Variants in AASDH observed in about 807,000 individuals in gnomAD.
The protein encoded by AASDH is aminoadipate-semialdehyde dehydrogenase.
AASDH carries 81 observed loss-of-function variants against 102.3 expected under a neutral mutation model. The ratio of observed to expected loss-of-function variants is 0.79; its 90% confidence interval spans 0.66 to 0.95. The LOEUF is 0.95. Among genes scored for constraint, AASDH ranks in the 40% least tolerant of loss-of-function variants. The pLI is 0.00. For missense variants in AASDH, 1,203 were observed against 1,266.2 expected (o/e 0.95, Z 0.76); for synonymous variants, 398 against 454.0 (o/e 0.88, Z 1.57).
chr4:56,342,659 GAAT>G (rs1163078047), intron 14 of AASDH, among the ~76,000 whole-genome samples, 173 bp downstream of exon 14: 1 of 151,800 alleles, frequency 6.6e-6, no homozygotes. Context: ...ACCGTGAGTT[GAAT>G]AATGATGTTT....
At chr4:56,367,597 G>C (rs9683401) in intron 5 of AASDH, among the ~76,000 whole-genome samples, 63,774 of 107,024 alleles carry the variant, frequency 0.6, 18,272 homozygotes, top group South Asian at 0.67. Context: ...TGACAAACCT[G>C]AGAAAAACAA....
rs1382439916 is a variant in AASDH, at chr4:56,371,487, G to A, written c.825C>T (p.Ser275=). The change falls in exon 5 of 15, where the codon AGC becomes AGT. Residue 275 remains serine (S), a synonymous_variant. Coordinates refer to ENST00000205214, the MANE Select transcript of AASDH (RefSeq NM_181806.4). The part of the protein sequence containing the change: ...SVKLLPSKLA[S]VLFSHHRVTV... ...TCACTCTATGATGGGAAAAGAGAAC[G>A]CTGGCTAATTTTGATGGGAGCAACT... 2.5e-5 allele frequency: 40 copies of A among 1,612,698 alleles called. No individual in the cohort carries two copies. Among genetic ancestry groups the A allele is most frequent in the Non-Finnish European group, 3.1e-5 (36 of 1,179,806 alleles).
At chr4:56,364,765 T>C (rs138515131) in intron 5 of AASDH, among the ~76,000 whole-genome samples, 11,367 of 152,214 alleles carry the variant, frequency 0.075, 606 homozygotes, top group East Asian at 0.25. Flanking sequence ...TGCAAAATCA[T>C]GCCAAATTGT....
rs746767319 is a variant in AASDH, at chr4:56,371,465, C to T, written c.847G>A (p.Val283Met). Residue 283 changes from valine (V) to methionine (M), a missense_variant, in exon 5 of 15, where the codon GTG becomes ATG. Physicochemically the swap from Val to Met is conservative, Grantham distance 21. Transcript: ENST00000205214. The stretch of plus-strand genomic sequence containing the variant: ...CTAAAATGTACCTGCAAAACAGTCA[C>T]TCTATGATGGGAAAAGAGAACGCTG... ...LASVLFSHHR[V>M]TVLQATPTLL... 76 of 1,611,052 alleles carry T rather than the reference C, an allele frequency of 4.7e-5. 1 individual carries two copies. In the South Asian group the frequency reaches 8.0e-4, roughly 17 times the overall value.
intron 3 of AASDH, among the ~76,000 whole-genome samples, chr4:56,379,541 C>T (rs1752740349): frequency 6.6e-6 from 1 of 152,008 alleles, no homozygotes; most frequent in Non-Finnish European, 1.5e-5. Flanking sequence ...GAAGTACTTG[C>T]TGTATACCCG....
intron 10 of AASDH, 30 bp downstream of exon 10, chr4:56,351,312 A>G (rs772807710): frequency 5.8e-6 from 8 of 1,380,344 alleles, no homozygotes; most frequent in Non-Finnish European, 8.1e-6. Context: ...ACCTCTTTAT[A>G]ATAATAATTT....
chr4:56,378,430 T>C lies in AASDH; in HGVS notation c.386A>G (p.Tyr129Cys), dbSNP rs563678329. Reference sequence around the variant, plus strand: ...ATTATGTTCCACTGTAAATGTATCATAGTTCAATAATGTTTCATGAAAAGA... The same window carrying C: ...ATTATGTTCCACTGTAAATGTATCACAGTTCAATAATGTTTCATGAAAAGA... ...FKSFHETLLN[Y>C]DTFTVEHNDL... is the part of the protein sequence containing the mutation. Residue 129 changes from tyrosine (Y) to cysteine (C), a missense_variant, in exon 4 of 15, where the codon TAT (tyrosine) becomes TGT (cysteine). Transcript: ENST00000205214. 35 of 1,608,620 alleles carry C rather than the reference T, an allele frequency of 2.2e-5. No individual in the cohort carries two copies. In the South Asian group the frequency reaches 2.9e-4, roughly 13 times the overall value.
intron 2 of AASDH, 142 bp downstream of exon 2, chr4:56,383,928 C>G: frequency 1.9e-6 from 1 of 538,708 alleles, no homozygotes; most frequent in Non-Finnish European, 3.1e-6. Flanking sequence ...TGGGGAAATG[C>G]AAACTTCTTT....
chr4:56,365,097 C>A (rs1011210871), intron 5 of AASDH, among the ~76,000 whole-genome samples: 1 of 151,984 alleles, frequency 6.6e-6, no homozygotes, highest in African/African-American at 2.4e-5. Context: ...GACTTTAAAC[C>A]AACAAAGATC....
At chr4:56,384,801 C>T (rs1396577269) in intron 1 of AASDH, among the ~76,000 whole-genome samples, 6 of 152,224 alleles carry the variant, frequency 3.9e-5, no homozygotes, top group South Asian at 4.2e-4. Context: ...TGGCCGGGTG[C>T]GGTGGCTCAC....
intron 6 of AASDH, among the ~76,000 whole-genome samples, 157 bp downstream of exon 6, chr4:56,355,025 G>A (rs554251712): frequency 6.6e-6 from 1 of 152,284 alleles, no homozygotes; most frequent in Admixed American, 6.5e-5. Context: ...CTTGGCACCA[G>A]CTATAGTAAG....
At chr4:56,383,249 C>A (rs761111623) in intron 2 of AASDH, among the ~76,000 whole-genome samples, 1 of 151,880 alleles carries the variant, frequency 6.6e-6, no homozygotes, top group African/African-American at 2.4e-5. Context: ...CAATAAATTT[C>A]GTCAATAATT....
chr4:56,360,725 T>A (rs560454232), intron 5 of AASDH, among the ~76,000 whole-genome samples: 1 of 152,348 alleles, frequency 6.6e-6, no homozygotes, highest in Admixed American at 6.5e-5. Flanking sequence ...TAAAGATTTT[T>A]AAATTGTTTC....
chr4:56,387,277 G>A (rs767586777), intron 1 of AASDH, 85 bp downstream of exon 1: 15 of 152,438 alleles, frequency 9.8e-5, no homozygotes, highest in Non-Finnish European at 1.8e-4. Context: ...CTGAGCAAAT[G>A]TATGTGGAAG....
intron 6 of AASDH, 130 bp from the exon 7 acceptor site, chr4:56,354,941 G>A (rs1749422542): frequency 1.2e-6 from 1 of 847,924 alleles, no homozygotes; most frequent in Non-Finnish European, 1.8e-6. Flanking sequence ...AGACTGACAA[G>A]AGGAAAAGGT....
In AASDH at chr4:56,343,656, C is replaced by T. The variant is rs767167489; in HGVS notation, c.2681G>A (p.Cys894Tyr). 6 of 1,609,706 alleles carry T rather than the reference C, an allele frequency of 3.7e-6. No homozygotes were observed. Among genetic ancestry groups the T allele is most frequent in the South Asian group, 2.2e-5 (2 of 90,034 alleles). The stretch of plus-strand genomic sequence containing the variant: ...CGGAGAGGAAAAGACAGTTCCTCCA[C>T]ATTTTGACTTCCAAACACACTTCTT... Reference protein sequence around the residue: ...YRKKCVWKSKCGGTVFSSPCL... With the variant: ...YRKKCVWKSKYGGTVFSSPCL... The change falls in exon 13 of 15, where the codon TGT becomes TAT. Residue 894 changes from cysteine to tyrosine, a missense_variant. By Grantham distance (194) the Cys-to-Tyr change is radical. Transcript: ENST00000205214.
At chr4:56,344,910 G>A (rs1222727398) in intron 12 of AASDH, among the ~76,000 whole-genome samples, 1 of 150,250 alleles carries the variant, frequency 6.7e-6, no homozygotes, top group East Asian at 1.9e-4. Flanking sequence ...CTATGCTTAT[G>A]GTATTAGACT....
intron 9 of AASDH, among the ~76,000 whole-genome samples, chr4:56,351,969 A>G (rs1440171046): frequency 1.3e-5 from 2 of 151,938 alleles, no homozygotes; most frequent in African/African-American, 4.8e-5. Context: ...ATATTTATCC[A>G]ATTTATCTCA....
chr4:56,341,797 A>G (rs1415962618), intron 14 of AASDH, among the ~76,000 whole-genome samples: 2 of 151,996 alleles, frequency 1.3e-5, no homozygotes, highest in Non-Finnish European at 2.9e-5. Flanking sequence ...AGTTGATCTC[A>G]GGGAGGAAGA....
Sources: gnomAD v4.1 joint callset for allele counts (sites outside exome capture counted in the v4.1 genomes callset) on GRCh38, gnomAD v4.1.1 for gene constraint, MANE v1.5 for transcripts, NCBI Gene and HGNC (gene_info 2026-07-23, HGNC 2026-07-21) for gene names.